LDLRAD3: variants seen among roughly 807,000 people sequenced by gnomAD.
LDLRAD3 encodes the protein low-density lipoprotein receptor class A domain-containing protein 3.
Under a neutral mutation model 29.4 loss-of-function variants are expected in LDLRAD3, and 20 were observed. That is an observed-to-expected ratio of 0.68 (90% CI 0.48 to 0.99). The LOEUF (loss-of-function observed/expected upper bound fraction) is 0.99. LDLRAD3 is among the 50% of genes least tolerant of loss of function. LDLRAD3 has a pLI of 0.00. For missense variants in LDLRAD3, 420 were observed against 454.3 expected (o/e 0.92, Z 0.69); for synonymous variants, 157 against 192.7 (o/e 0.81, Z 1.53).
intron 1 of LDLRAD3, among the ~76,000 whole-genome samples, chr11:35,958,047 T>A (rs1007374233): frequency 5.3e-5 from 8 of 152,170 alleles, no homozygotes; most frequent in African/African-American, 1.7e-4. Flanking sequence ...ACTAACAAAA[T>A]GCTCACTAGT....
At chr11:36,034,404 A>G (rs1318262019) in intron 1 of LDLRAD3, among the ~76,000 whole-genome samples, 1 of 152,130 alleles carries the variant, frequency 6.6e-6, no homozygotes, top group Non-Finnish European at 1.5e-5. Context: ...GACTGGCCAC[A>G]TATAGGGGTT....
At position 36,221,243 on chromosome 11, in the gene LDLRAD3, C is replaced by T. The variant is rs1018324559; in HGVS notation, c.455-5842C>T. ...TCATGCGCTTATAATCCCAGTTACTCGTGAGGCTGAGGCAGGAGAATCACT... is the reference window on the plus strand; with the variant it reads ...TCATGCGCTTATAATCCCAGTTACTTGTGAGGCTGAGGCAGGAGAATCACT... On this transcript the variant is annotated intron_variant, in intron 4 of 5. Transcript: ENST00000315571. 4.6e-5 allele frequency among the ~76,000 whole-genome samples: 7 copies of T among 152,012 alleles called. 1 individual carries two copies. In the South Asian group the frequency reaches 8.3e-4, roughly 18 times the overall value.
At chr11:35,989,398 A>G (rs1299012371) in intron 1 of LDLRAD3, among the ~76,000 whole-genome samples, 1 of 152,138 alleles carries the variant, frequency 6.6e-6, no homozygotes, top group Non-Finnish European at 1.5e-5. Flanking sequence ...ACTTTTCTCT[A>G]ATTCTGTGGG....
intron 1 of LDLRAD3, among the ~76,000 whole-genome samples, chr11:35,972,957 A>C (rs1851432031): frequency 6.6e-6 from 1 of 151,332 alleles, no homozygotes; most frequent in South Asian, 2.1e-4. Context: ...GGAGGCTGAG[A>C]CAGGAGAATC....
chr11:36,037,488 T>A (rs1350706598), intron 2 of LDLRAD3, among the ~76,000 whole-genome samples: 1 of 152,150 alleles, frequency 6.6e-6, no homozygotes, highest in Non-Finnish European at 1.5e-5. Context: ...CTAATTTTTG[T>A]ATTTTTATTA....
chr11:36,183,614 A>G (rs148378928), intron 4 of LDLRAD3, among the ~76,000 whole-genome samples: 3 of 152,318 alleles, frequency 2.0e-5, no homozygotes, highest in Non-Finnish European at 2.9e-5. Flanking sequence ...CACACCTGCT[A>G]ATATTGCATG....
chr11:36,160,945 C>T (rs1379515640), intron 4 of LDLRAD3, among the ~76,000 whole-genome samples: 1 of 152,182 alleles, frequency 6.6e-6, no homozygotes, highest in African/African-American at 2.4e-5. Context: ...CAGGCACCTG[C>T]AACCACACCC....
intron 1 of LDLRAD3, among the ~76,000 whole-genome samples, chr11:36,034,531 C>G (rs538389345): frequency 3.3e-5 from 5 of 152,296 alleles, no homozygotes; most frequent in Admixed American, 1.3e-4. Context: ...GATGAAAGCT[C>G]ATTTTCAGTA....
chr11:36,181,893 T>C (rs1409209379), intron 4 of LDLRAD3, among the ~76,000 whole-genome samples: 1 of 152,224 alleles, frequency 6.6e-6, no homozygotes, highest in Non-Finnish European at 1.5e-5. Context: ...TCTCTGTTTC[T>C]GTCTCTGTCT....
intron 2 of LDLRAD3, among the ~76,000 whole-genome samples, chr11:36,069,236 A>G (rs1159638082): frequency 1.3e-5 from 2 of 152,178 alleles, no homozygotes; most frequent in Non-Finnish European, 2.9e-5. Context: ...TGGGACCACA[A>G]TAAAGGAGCT....
chr11:35,967,693 G>A (rs1851359327), intron 1 of LDLRAD3: 1 of 473,380 alleles, frequency 2.1e-6, no homozygotes. Context: ...TCATGTCCGG[G>A]TGCACCATGC....
intron 2 of LDLRAD3, among the ~76,000 whole-genome samples, chr11:36,057,800 C>T (rs542257107): frequency 1.3e-5 from 2 of 152,220 alleles, no homozygotes; most frequent in South Asian, 4.1e-4. Flanking sequence ...TTTTTATTTC[C>T]TGAATGATTG....
chr11:36,132,571 C>T (rs1236318645), intron 4 of LDLRAD3, among the ~76,000 whole-genome samples: 4 of 152,078 alleles, frequency 2.6e-5, no homozygotes, highest in African/African-American at 7.2e-5. Flanking sequence ...GGTGGTTTGT[C>T]GAAGGTCACA....
chr11:36,227,047 A>G, intron 4 of LDLRAD3, 38 bp from the exon 5 acceptor site: 2 of 1,393,862 alleles, frequency 1.4e-6, no homozygotes, highest in Non-Finnish European at 2.0e-6. Flanking sequence ...CCAAACTGGT[A>G]ACCTTCTCTC....
At position 36,211,706 on chromosome 11, in the gene LDLRAD3, C is replaced by T. The variant is rs145025983; in HGVS notation, c.455-15379C>T. On this transcript the variant is annotated intron_variant, in intron 4 of 5. Transcript: ENST00000315571. ...TTGTAATTGCTATTTAATGATGATA[C>T]TTGCTTTCCCAACTCCCACAAGTGA... Among the ~76,000 whole-genome samples the T allele has an allele frequency of 9.6e-4, 146 of 152,340 alleles. 1 individual carries two copies. The East Asian group carries it at 0.026, about 27-fold the overall frequency.
chr11:35,978,780 C>T (rs1170672470), intron 1 of LDLRAD3, among the ~76,000 whole-genome samples: 2 of 152,182 alleles, frequency 1.3e-5, no homozygotes, highest in African/African-American at 4.8e-5. Flanking sequence ...CACCTGCATT[C>T]AGAGTTGTTT....
chr11:36,091,573 T>G (rs1284288153), intron 3 of LDLRAD3, among the ~76,000 whole-genome samples: 1 of 152,150 alleles, frequency 6.6e-6, no homozygotes, highest in African/African-American at 2.4e-5. Flanking sequence ...AACCCTGTGT[T>G]TTTTTGGGTA....
chr11:36,173,792 G>A (rs1854632656), intron 4 of LDLRAD3, among the ~76,000 whole-genome samples: 1 of 152,110 alleles, frequency 6.6e-6, no homozygotes, highest in African/African-American at 2.4e-5. Flanking sequence ...ACTGCCCAAG[G>A]TAATTTATAG....
chr11:36,053,617 A>G (rs949541412), intron 2 of LDLRAD3, among the ~76,000 whole-genome samples: 2 of 152,244 alleles, frequency 1.3e-5, no homozygotes, highest in Non-Finnish European at 2.9e-5. Context: ...AGCAGCAGCA[A>G]CACTACTGTT....
Sources: gnomAD v4.1 joint callset for allele counts (sites outside exome capture counted in the v4.1 genomes callset) on GRCh38, gnomAD v4.1.1 for gene constraint, MANE v1.5 for transcripts, NCBI Gene and HGNC (gene_info 2026-07-23, HGNC 2026-07-21) for gene names.